Variants in ERCC6L2 observed in about 807,000 individuals in gnomAD.
ERCC6L2 encodes the protein ERCC excision repair 6 like 2.
A neutral mutation model predicts 132.0 loss-of-function variants in ERCC6L2; 77 were observed. The observed-to-expected ratio is 0.58, with a 90% CI of 0.49 to 0.71. The LOEUF (loss-of-function observed/expected upper bound fraction) is 0.71. ERCC6L2 is among the 30% of genes least tolerant of loss of function. ERCC6L2 has a pLI of 0.00. For missense variants in ERCC6L2, 1,542 were observed against 1,837.6 expected (o/e 0.84, Z 2.94); for synonymous variants, 583 against 632.4 (o/e 0.92, Z 1.17).
chr9:96,040,259 T>C (rs1219339668), intron 20 of ERCC6L2, among the ~76,000 whole-genome samples: 1 of 152,004 alleles, frequency 6.6e-6, no homozygotes, highest in Admixed American at 6.6e-5. Context: ...GTCCCCTTTT[T>C]CTGGGCGTCA....
intron 17 of ERCC6L2, among the ~76,000 whole-genome samples, chr9:95,981,484 T>C (rs1160699632): frequency 2.0e-5 from 3 of 152,220 alleles, no homozygotes; most frequent in Non-Finnish European, 4.4e-5. Flanking sequence ...ACCATTGTTA[T>C]TTGATAGTAC....
At chr9:95,886,272 C>G (rs1298848696) in intron 2 of ERCC6L2, among the ~76,000 whole-genome samples, 1 of 152,044 alleles carries the variant, frequency 6.6e-6, no homozygotes, top group African/African-American at 2.4e-5. Flanking sequence ...CTGCCTTGAC[C>G]TCTCAAAGTG....
intron 2 of ERCC6L2, among the ~76,000 whole-genome samples, chr9:95,897,460 ATAT>A (rs1828526565): frequency 6.6e-6 from 1 of 152,144 alleles, no homozygotes; most frequent in Non-Finnish European, 1.5e-5. Context: ...TATGGGCCAA[ATAT>A]TATCCCCCTT....
At chr9:96,000,779 T>C (rs1234598252) in intron 17 of ERCC6L2, among the ~76,000 whole-genome samples, 4 of 152,204 alleles carry the variant, frequency 2.6e-5, no homozygotes, top group Admixed American at 2.6e-4. Context: ...AGACCCCATG[T>C]CTATAAAATA....
At chr9:96,036,908 A>G (rs1333449130) in intron 19 of ERCC6L2, among the ~76,000 whole-genome samples, 1 of 149,048 alleles carries the variant, frequency 6.7e-6, no homozygotes, top group Non-Finnish European at 1.5e-5. Context: ...CTGGGACTAC[A>G]GGCGCCCGCC....
intron 12 of ERCC6L2, among the ~76,000 whole-genome samples, chr9:95,955,512 A>G (rs1158609417): frequency 6.6e-6 from 1 of 150,906 alleles, no homozygotes; most frequent in Non-Finnish European, 1.5e-5. Context: ...CCATCCCCTT[A>G]TCCCCAAGCA....
At chr9:95,951,878 G>A (rs1251285033) in intron 12 of ERCC6L2, among the ~76,000 whole-genome samples, 2 of 151,978 alleles carry the variant, frequency 1.3e-5, no homozygotes, top group Admixed American at 6.6e-5. Flanking sequence ...TAAAGAATTT[G>A]CACCAATCCA....
rs367848303 is a variant in ERCC6L2 at position 95,966,663 on chromosome 9, C to T, written c.2049C>T (p.Asn683=). The change falls in exon 14 of 19, where the codon AAC becomes AAT. Residue 683 remains asparagine (N), a synonymous_variant. Coordinates refer to ENST00000653738, the MANE Select transcript of ERCC6L2 (RefSeq NM_020207.7). ...EHQGELFGIH[N]LFKFRSQGSC... is the part of the protein sequence containing the mutation. ...AAGGAGAGCTTTTTGGGATCCATAA[C>T]CTCTTCAAATTTAGGTCCCAAGGGT... The T allele has an allele frequency of 1.8e-5, 28 of 1,524,678 alleles. No individual in the cohort carries two copies. In the African/African-American group the frequency reaches 2.8e-4, roughly 15 times the overall value. 94.4% of individuals were successfully genotyped at this position (1,524,678 alleles called of 1,614,324 possible).
chr9:95,916,555 G>A (rs1353149703), intron 6 of ERCC6L2, 121 bp downstream of exon 6: 2 of 746,168 alleles, frequency 2.7e-6, no homozygotes, highest in Admixed American at 7.4e-5. Context: ...ATTCTGTATG[G>A]AAAAAATTGT....
At position 95,922,354 on chromosome 9, in the gene ERCC6L2, C is replaced by T. The variant is rs1487760560; in HGVS notation, c.1349C>T (p.Thr450Ile). 2.5e-6 allele frequency: 4 copies of T among 1,613,322 alleles called. No individual in the cohort carries two copies. In the Admixed American group the frequency reaches 6.7e-5, roughly 27 times the overall value. Residue 450 changes from threonine (T) to isoleucine (I), a missense_variant, in exon 8 of 19, where the codon ACA becomes ATA. Physicochemically the swap from Thr to Ile is moderately conservative, Grantham distance 89 (BLOSUM62 -1). Coordinates refer to ENST00000653738, the MANE Select transcript of ERCC6L2 (RefSeq NM_020207.7). ...AAAACCTTGTATCTCAGTTACCTTA[C>T]AGTCCTTCAGAAGGTAGCTAACCAT... is the stretch of plus-strand genomic sequence containing the variant. ...TVKTLYLSYL[T>I]VLQKVANHVA...
chr9:96,013,339 A>C lies in ERCC6L2; in HGVS notation c.*136A>C, dbSNP rs1834100962. 1 of 690,574 alleles carries C rather than the reference A, an allele frequency of 1.4e-6. No individual in the cohort carries two copies. Among genetic ancestry groups the C allele is most frequent in the African/African-American group, 1.9e-5 (1 of 52,902 alleles). 42.8% of individuals were successfully genotyped at this position (690,574 alleles called of 1,614,324 possible). A position where few individuals can be genotyped will look rare whatever the true frequency, so the allele number is the denominator to read the frequency against. ...AAATTATTGCTTTAGGATTTTTTGA[A>C]GTCTAAAGTATTGTCATGGATCTGT... On this transcript the variant is annotated 3_prime_UTR_variant, in exon 19 of 19. Coordinates refer to ENST00000653738, the MANE Select transcript of ERCC6L2 (RefSeq NM_020207.7).
chr9:96,041,081 G>C (rs1834572851), intron 20 of ERCC6L2, among the ~76,000 whole-genome samples: 1 of 152,188 alleles, frequency 6.6e-6, no homozygotes, highest in African/African-American at 2.4e-5. Context: ...ATGAGCCCCA[G>C]GTTTGTATTT....
At chr9:95,883,821 G>A (rs531665055) in intron 2 of ERCC6L2, among the ~76,000 whole-genome samples, 68 of 152,344 alleles carry the variant, frequency 4.5e-4, no homozygotes, top group South Asian at 2.5e-3. Context: ...TTGTGCCACT[G>A]CACTCCAGTC....
intron 4 of ERCC6L2, among the ~76,000 whole-genome samples, chr9:95,913,632 C>T (rs879528521): frequency 2.0e-5 from 3 of 152,182 alleles, no homozygotes; most frequent in Admixed American, 1.3e-4. Context: ...ATTTCCATCA[C>T]CTCAGAAAGT....
intron 3 of ERCC6L2, among the ~76,000 whole-genome samples, chr9:95,899,266 A>G (rs1007127999): frequency 9.9e-5 from 15 of 152,214 alleles, no homozygotes; most frequent in African/African-American, 3.1e-4. Context: ...CTTGGGCAAC[A>G]TGTCAAAACC....
chr9:96,031,276 G>T (rs931004615), intron 19 of ERCC6L2, among the ~76,000 whole-genome samples: 6 of 152,130 alleles, frequency 3.9e-5, no homozygotes, highest in Admixed American at 6.5e-5. Context: ...GACCAGGGTG[G>T]GTTGTTTTGT....
intron 17 of ERCC6L2, among the ~76,000 whole-genome samples, chr9:95,995,881 C>T (rs951983384): frequency 5.9e-5 from 9 of 152,200 alleles, no homozygotes; most frequent in African/African-American, 1.9e-4. Context: ...GCCATTTTCC[C>T]TCTATCCCTC....
chr9:95,989,921 G>C (rs560177547), intron 17 of ERCC6L2, among the ~76,000 whole-genome samples: 1 of 152,274 alleles, frequency 6.6e-6, no homozygotes, highest in South Asian at 2.1e-4. Context: ...CAAGAAGCCG[G>C]GTTCTGAGGA....
Position 95,914,510 on chromosome 9 carries a change from C to T in ERCC6L2, c.789-1158C>T, listed in dbSNP as rs140856797. ...CCGGGACTACAGGCACACGCCACCGCGCCCAGCTAATTTTTGTATTTTTAG... is the reference window on the plus strand; with the variant it reads ...CCGGGACTACAGGCACACGCCACCGTGCCCAGCTAATTTTTGTATTTTTAG... On this transcript the variant is annotated intron_variant, in intron 4 of 18. Transcript: ENST00000653738. 7.6e-3 allele frequency among the ~76,000 whole-genome samples: 1,153 copies of T among 152,154 alleles called. 23 individuals carry two copies. The highest frequency in any genetic ancestry group is 0.027 in the African/African-American group (1,118 of 41,496).
Sources: allele counts gnomAD v4.1 joint callset (sites outside exome capture counted in the v4.1 genomes callset), GRCh38; gene constraint gnomAD v4.1.1; transcripts MANE v1.5; gene names NCBI Gene and HGNC (gene_info 2026-07-23, HGNC 2026-07-21).